Variants in ANKRD34C observed in about 807,000 individuals in gnomAD.
ANKRD34C encodes the protein ankyrin repeat domain 34C.
For missense variants in ANKRD34C, 563 were observed against 653.0 expected (o/e 0.86, Z 1.50); for synonymous variants, 260 against 253.6 (o/e 1.03, Z -0.24).
chr15:79,293,782 G>A lies in ANKRD34C; in HGVS notation c.498G>A (p.Gln166=). 6.4e-7 allele frequency: 1 copy of A among 1,551,674 alleles called. No individual in the cohort carries two copies. Among genetic ancestry groups the A allele is most frequent in the Non-Finnish European group, 8.7e-7 (1 of 1,146,984 alleles). The change falls in exon 2 of 2, where the codon CAG becomes CAA. Residue 166 remains glutamine, a synonymous_variant. Transcript: ENST00000421388. ...CTTCAGGCACCAAAACCACCAAACA[G>A]TATCTTAATGTCCCTCCTTCACCCA... ...KSSSGTKTTK[Q]YLNVPPSPKV... is the part of the protein sequence containing the mutation.
At position 79,295,124 on chromosome 15, in the gene ANKRD34C, C is replaced by T. The variant is rs150706029; in HGVS notation, c.*232C>T. 2.2e-5 allele frequency: 11 copies of T among 507,016 alleles called. No homozygotes were observed. In the East Asian group the frequency reaches 3.7e-4, roughly 17 times the overall value. The allele number at this position is 507,016 out of a possible 1,614,324, so 31.4% of individuals were successfully genotyped here. On this transcript the variant is annotated 3_prime_UTR_variant, in exon 2 of 2. Coordinates refer to ENST00000421388, the MANE Select transcript of ANKRD34C (RefSeq NM_001146341.2). ...TTAAAAATTCTGCAAAGGAAGAAAG[C>T]CTTTGGAATTTGAAGGTAACACAGC... is the stretch of plus-strand genomic sequence containing the variant.
intron 1 of ANKRD34C, among the ~76,000 whole-genome samples, chr15:79,286,878 C>T (rs189140148): frequency 6.8e-4 from 104 of 152,322 alleles, no homozygotes; most frequent in Non-Finnish European, 1.3e-3. Flanking sequence ...TTTGCTTGCT[C>T]CGTCAGTGCA....
Position 79,297,786 on chromosome 15 carries a change from G to C in ANKRD34C, c.*2894G>C, listed in dbSNP as rs1358966389. 1.2e-5 allele frequency: 2 copies of C among 166,670 alleles called. No individual in the cohort carries two copies. Among genetic ancestry groups the C allele is most frequent in the African/African-American group, 4.8e-5 (2 of 41,456 alleles). The allele number at this position is 166,670 out of a possible 1,614,324, so 10.3% of individuals were successfully genotyped here. Reference sequence around the variant, plus strand: ...AAAAGTATATTTTAGATTCAAACATGCTTTCTAGATCAGAGGTTAACTTGT... The same window carrying C: ...AAAAGTATATTTTAGATTCAAACATCCTTTCTAGATCAGAGGTTAACTTGT... On this transcript the variant is annotated 3_prime_UTR_variant, in exon 2 of 2. Transcript: ENST00000421388.
intron 1 of ANKRD34C, among the ~76,000 whole-genome samples, chr15:79,289,311 A>G (rs1315860134): frequency 6.6e-6 from 1 of 152,220 alleles, no homozygotes; most frequent in Non-Finnish European, 1.5e-5. Context: ...GGCTATAGAC[A>G]ACTTGCAAAA....
At chr15:79,284,873 A>G (rs1166558498) in intron 1 of ANKRD34C, among the ~76,000 whole-genome samples, 2 of 152,208 alleles carry the variant, frequency 1.3e-5, no homozygotes, top group African/African-American at 4.8e-5. Flanking sequence ...ATCCTTCCAC[A>G]TGGACTGGCA....
intron 1 of ANKRD34C, among the ~76,000 whole-genome samples, chr15:79,287,194 G>A (rs1377044101): frequency 1.3e-5 from 2 of 152,262 alleles, no homozygotes; most frequent in East Asian, 3.9e-4. Flanking sequence ...GTGGACTTTG[G>A]GGTCAGACTG....
chr15:79,288,812 CTTTTTTTTTTTT>C (rs60075615), intron 1 of ANKRD34C, among the ~76,000 whole-genome samples: 9 of 55,558 alleles, frequency 1.6e-4, no homozygotes, highest in Non-Finnish European at 2.2e-4. Context: ...GCCCAGTATT[CTTTTTTTTTTTT>C]TTTTTTTTTT....
intron 1 of ANKRD34C, among the ~76,000 whole-genome samples, chr15:79,290,462 C>T (rs1249327709): frequency 1.3e-5 from 2 of 152,172 alleles, no homozygotes; most frequent in African/African-American, 4.8e-5. Context: ...CCACTAGTCT[C>T]ACCTGGGTTC....
At chr15:79,287,072 C>G (rs1438143200) in intron 1 of ANKRD34C, among the ~76,000 whole-genome samples, 28 of 152,200 alleles carry the variant, frequency 1.8e-4, no homozygotes, top group Admixed American at 1.8e-3. Context: ...CTTTCCTAAT[C>G]TGCACCCCGA....
chr15:79,291,492 G>T (rs1274181102), intron 1 of ANKRD34C, among the ~76,000 whole-genome samples: 3 of 150,332 alleles, frequency 2.0e-5, no homozygotes, highest in Non-Finnish European at 3.0e-5. Context: ...ACACAACAAT[G>T]CTGTGTAGGA....
In ANKRD34C at chr15:79,293,728, G is replaced by C; in HGVS notation, c.444G>C (p.Glu148Asp). The C allele has an allele frequency of 6.4e-7, 1 of 1,551,712 alleles. No homozygotes were observed. Among genetic ancestry groups the C allele is most frequent in the Non-Finnish European group, 8.7e-7 (1 of 1,146,996 alleles). ...LLDACKAKGK[E>D]VIIITTDKSS... is the part of the protein sequence containing the mutation. ...ATGCCTGCAAAGCCAAAGGGAAGGA[G>C]GTGATTATTATAACAACAGATAAAT... Residue 148 changes from glutamate to aspartate, a missense_variant, in exon 2 of 2, where the codon GAG (glutamate) becomes GAC (aspartate). Transcript: ENST00000421388.
rs1477129040 is a variant in ANKRD34C, at chr15:79,296,309, A to C, written c.*1417A>C. ...TGTAAAATAGGATTAGTAGTGCTGC[A>C]CCTTACAAGGTTGTGATGAGAATTA... On this transcript the variant is annotated 3_prime_UTR_variant, in exon 2 of 2. Coordinates refer to ENST00000421388, the MANE Select transcript of ANKRD34C (RefSeq NM_001146341.2). 6.0e-6 allele frequency: 1 copy of C among 167,030 alleles called. No individual in the cohort carries two copies. Among genetic ancestry groups the C allele is most frequent in the Non-Finnish European group, 1.5e-5 (1 of 68,124 alleles). 10.3% of individuals were successfully genotyped at this position (167,030 alleles called of 1,614,324 possible). A position where few individuals can be genotyped will look rare whatever the true frequency, so the allele number is the denominator to read the frequency against.
intron 1 of ANKRD34C, among the ~76,000 whole-genome samples, chr15:79,292,090 A>T (rs188064890): frequency 6.6e-6 from 1 of 152,360 alleles, no homozygotes; most frequent in African/African-American, 2.4e-5. Context: ...CAAATAGCGT[A>T]AGAGAAAGAA....
At chr15:79,288,903 C>T (rs1446970809) in intron 1 of ANKRD34C, among the ~76,000 whole-genome samples, 2 of 145,896 alleles carry the variant, frequency 1.4e-5, no homozygotes, top group Non-Finnish European at 3.0e-5. Flanking sequence ...TAACTGCAAC[C>T]TCTGCCTCCT....
At chr15:79,293,163 C>T in intron 1 of ANKRD34C, 78 bp from the exon 2 acceptor site, 1 of 1,122,780 alleles carries the variant, frequency 8.9e-7, no homozygotes, top group African/African-American at 1.6e-5. Flanking sequence ...TATGACTGTA[C>T]CCAGACCCCG....
chr15:79,284,261 A>T (rs1159375350), intron 1 of ANKRD34C, among the ~76,000 whole-genome samples: 2 of 152,188 alleles, frequency 1.3e-5, no homozygotes, highest in African/African-American at 4.8e-5. Flanking sequence ...GCCAGATTGC[A>T]GTGGTGGGAG....
At chr15:79,292,033 C>T (rs1167382600) in intron 1 of ANKRD34C, among the ~76,000 whole-genome samples, 1 of 152,150 alleles carries the variant, frequency 6.6e-6, no homozygotes, top group East Asian at 1.9e-4. Flanking sequence ...AAAGCTTTTG[C>T]CTTCCAACTA....
chr15:79,283,269 G>T (rs1408062537), intron 1 of ANKRD34C, among the ~76,000 whole-genome samples, 41 bp downstream of exon 1: 2 of 152,260 alleles, frequency 1.3e-5, no homozygotes, highest in Admixed American at 1.3e-4. Flanking sequence ...CACCCGGGTG[G>T]GGACCTCGAG....
At chr15:79,289,109 C>A (rs909348681) in intron 1 of ANKRD34C, among the ~76,000 whole-genome samples, 1 of 152,136 alleles carries the variant, frequency 6.6e-6, no homozygotes, top group African/African-American at 2.4e-5. Flanking sequence ...CGTGAGCCAC[C>A]GTGCCTGGAC....
Sources: allele counts gnomAD v4.1 joint callset (sites outside exome capture counted in the v4.1 genomes callset), GRCh38; gene constraint gnomAD v4.1.1; transcripts MANE v1.5; gene names NCBI Gene and HGNC (gene_info 2026-07-23, HGNC 2026-07-21).